Variants in ZNF563 observed in about 807,000 individuals in gnomAD.
The protein encoded by ZNF563 is zinc finger protein 563.
In ZNF563, 39 loss-of-function variants were observed where a neutral mutation model predicts 48.5. That is an observed-to-expected ratio of 0.80 (90% confidence interval 0.62 to 1.05). The LOEUF (loss-of-function observed/expected upper bound fraction) is 1.05. ZNF563 is among the 50% of genes least tolerant of loss of function. ZNF563 has a pLI of 0.00. For missense variants in ZNF563, 538 were observed against 597.0 expected, an observed-to-expected ratio of 0.90 and a Z score of 1.03; for synonymous variants, 168 against 187.9, an observed-to-expected ratio of 0.89 and a Z score of 0.87.
At chr19:12,336,507 G>A (rs773712783), upstream of ZNF563, among the ~76,000 whole-genome samples, 5 of 152,206 alleles carry the variant, frequency 3.3e-5, no homozygotes, top group African/African-American at 7.2e-5. Flanking sequence ...CAGGAGAATC[G>A]CGTGAACCCA....
chr19:12,338,943 T>C, the ZNF563 span, among the ~76,000 whole-genome samples: 1 of 152,122 alleles, frequency 6.6e-6, no homozygotes, highest in Non-Finnish European at 1.5e-5. Context: ...TGGTAAACTG[T>C]GGTTAATTGT....
chr19:12,324,450 G>A lies in ZNF563; in HGVS notation c.4-1739C>T, dbSNP rs139013826. Among the ~76,000 whole-genome samples, 1,093 of 152,176 alleles carry A rather than the reference G, an allele frequency of 7.2e-3. 3 individuals are homozygous for A. Among genetic ancestry groups the A allele is most frequent in the Middle Eastern group, 0.014 (4 of 294 alleles). Reference sequence around the variant, plus strand: ...ACCTCCTCACTGGCCGGGTGCGGTGGCTCACACCTGTAATCCCAGCACTTT... The same window carrying A: ...ACCTCCTCACTGGCCGGGTGCGGTGACTCACACCTGTAATCCCAGCACTTT... On this transcript the variant is annotated intron_variant, in intron 1 of 3. Coordinates refer to ENST00000293725, the MANE Select transcript of ZNF563 (RefSeq NM_145276.3).
At chr19:12,330,573 G>A (rs1968896812) in intron 1 of ZNF563, among the ~76,000 whole-genome samples, 1 of 152,198 alleles carries the variant, frequency 6.6e-6, no homozygotes. Context: ...TCCAATGGAA[G>A]ACAGCAAATT....
At chr19:12,323,103 C>G (rs2145805729) in intron 1 of ZNF563, among the ~76,000 whole-genome samples, 1 of 152,350 alleles carries the variant, frequency 6.6e-6, no homozygotes, top group Non-Finnish European at 1.5e-5. Context: ...TTCTTATTCT[C>G]AAAGTTGGAC....
intron 1 of ZNF563, among the ~76,000 whole-genome samples, chr19:12,327,459 C>CAAAAAAAAAAA (rs35937081): frequency 2.8e-5 from 2 of 71,898 alleles, no homozygotes; most frequent in East Asian, 3.6e-4. Context: ...CACTCCATCT[C>CAAAAAAAAAAA]AAAAAAAAAA....
intron 1 of ZNF563, among the ~76,000 whole-genome samples, chr19:12,330,513 G>A (rs1042804026): frequency 6.6e-6 from 1 of 152,188 alleles, no homozygotes; most frequent in African/African-American, 2.4e-5. Flanking sequence ...AGGCTTTGAA[G>A]TCTACAGTAA....
rs377032594 is a variant in ZNF563, at chr19:12,333,511, C to T, written c.-29G>A. The T allele has an allele frequency of 2.5e-6, 4 of 1,613,110 alleles. No individual in the cohort carries two copies. The African/African-American group carries it at 4.0e-5, about 16-fold the overall frequency. The stretch of plus-strand genomic sequence containing the variant: ...CCGGCTTCCGGGATGTTCCAGGGTC[C>T]TCCCTCTGCCTCCCGCTGCCAGTGC... On this transcript the variant is annotated 5_prime_UTR_variant, in exon 1 of 4. Transcript: ENST00000293725.
chr19:12,335,741 G>A (rs1463330933), upstream of ZNF563, among the ~76,000 whole-genome samples: 1 of 152,168 alleles, frequency 6.6e-6, no homozygotes, highest in African/African-American at 2.4e-5. Flanking sequence ...TAGACACACA[G>A]GCCTTGTTGG....
At chr19:12,347,178 T>C in the ZNF563 span, 1 of 152,198 alleles carries the variant, frequency 6.6e-6, no homozygotes, top group Non-Finnish European at 1.5e-5. Flanking sequence ...TCATGAATAC[T>C]TCAATGAAAC....
upstream of ZNF563, among the ~76,000 whole-genome samples, chr19:12,335,651 A>G (rs1290210694): frequency 6.6e-6 from 1 of 152,246 alleles, no homozygotes; most frequent in African/African-American, 2.4e-5. Context: ...GCTGTAGGTC[A>G]TAAGACCCTC....
At chr19:12,322,271 G>T (rs1968649770) in intron 2 of ZNF563, among the ~76,000 whole-genome samples, 1 of 152,050 alleles carries the variant, frequency 6.6e-6, no homozygotes, top group East Asian at 1.9e-4. Flanking sequence ...GGTCAGGCTG[G>T]TCTCGAACTC....
the ZNF563 span, among the ~76,000 whole-genome samples, chr19:12,343,922 G>T: frequency 6.6e-6 from 1 of 151,378 alleles, no homozygotes; most frequent in South Asian, 2.1e-4. Context: ...AGTAGAGATG[G>T]GTTTCACCGT....
At chr19:12,344,588 T>C in the ZNF563 span, among the ~76,000 whole-genome samples, 5 of 152,070 alleles carry the variant, frequency 3.3e-5, no homozygotes, top group African/African-American at 1.2e-4. Context: ...AGGAAAAAAG[T>C]CACATATGAA....
chr19:12,327,954 A>G (rs903096843), intron 1 of ZNF563, among the ~76,000 whole-genome samples: 2 of 152,264 alleles, frequency 1.3e-5, no homozygotes, highest in African/African-American at 4.8e-5. Context: ...ATCTACAATT[A>G]TAGTTGGAGG....
chr19:12,340,500 A>T, the ZNF563 span, among the ~76,000 whole-genome samples: 6 of 152,140 alleles, frequency 3.9e-5, no homozygotes, highest in Non-Finnish European at 8.8e-5. Flanking sequence ...TCAGCTAGGC[A>T]TGATGGCTCA....
chr19:12,338,633 C>T (rs1969043372), upstream of ZNF563, among the ~76,000 whole-genome samples: 1 of 152,126 alleles, frequency 6.6e-6, no homozygotes, highest in Admixed American at 6.5e-5. Flanking sequence ...GTGGGAGGAT[C>T]ACCTGAGGTC....
chr19:12,337,552 T>A (rs1969033546), upstream of ZNF563, among the ~76,000 whole-genome samples: 1 of 152,152 alleles, frequency 6.6e-6, no homozygotes, highest in South Asian at 2.1e-4. Flanking sequence ...TTTTCCGGTT[T>A]TCTGGGGTAC....
the ZNF563 span, among the ~76,000 whole-genome samples, chr19:12,345,617 T>C: frequency 6.6e-6 from 1 of 152,092 alleles, no homozygotes; most frequent in Non-Finnish European, 1.5e-5. Flanking sequence ...AAGCTAAAAC[T>C]ATAAAATACT....
At chr19:12,339,503 C>T in the ZNF563 span, among the ~76,000 whole-genome samples, 3 of 152,048 alleles carry the variant, frequency 2.0e-5, no homozygotes, top group East Asian at 5.8e-4. Context: ...TGGTCTCAAA[C>T]TCCTGACCTC....
Sources: allele counts gnomAD v4.1 joint callset (sites outside exome capture counted in the v4.1 genomes callset), GRCh38; gene constraint gnomAD v4.1.1; transcripts MANE v1.5; gene names NCBI Gene and HGNC (gene_info 2026-07-23, HGNC 2026-07-21).